Variants in CDH13 observed in about 807,000 individuals in gnomAD.
CDH13 encodes the protein cadherin-13.
CDH13 carries 24 observed loss-of-function variants against 63.8 expected under a neutral mutation model. The ratio of observed to expected loss-of-function variants is 0.38; its 90% CI spans 0.27 to 0.53. The LOEUF (loss-of-function observed/expected upper bound fraction) is 0.53. CDH13 is among the 20% of genes least tolerant of loss of function. CDH13 has a pLI of 0.85. For missense variants in CDH13, 1,049 were observed against 903.1 expected (o/e 1.16, Z -2.07); for synonymous variants, 503 against 355.3 (o/e 1.42, Z -4.67).
intron 3 of CDH13, among the ~76,000 whole-genome samples, chr16:83,069,429 G>C (rs2032273329): frequency 6.6e-6 from 1 of 152,086 alleles, no homozygotes. Flanking sequence ...CTACGTGCCA[G>C]GCATTGTTTT....
At chr16:82,732,576 G>A (rs980109299) in intron 1 of CDH13, among the ~76,000 whole-genome samples, 1 of 152,228 alleles carries the variant, frequency 6.6e-6, no homozygotes, top group African/African-American at 2.4e-5. Context: ...TTGTTTAAAA[G>A]AGATTTATCC....
At position 83,152,663 on chromosome 16, in the gene CDH13, C is replaced by T. The variant is rs1030217941; in HGVS notation, c.483+27162C>T. Among the ~76,000 whole-genome samples the T allele has an allele frequency of 2.6e-5, 4 of 152,140 alleles. No homozygotes were observed. The South Asian group carries it at 8.3e-4, about 32-fold the overall frequency. On this transcript the variant is annotated intron_variant, in intron 4 of 13. Coordinates refer to ENST00000567109, the MANE Select transcript of CDH13 (RefSeq NM_001257.5). ...CTTAGCAATAATATGGGACTATAGG[C>T]AAAAGCAGGACTGTTTTGGACAAAC... is the stretch of plus-strand genomic sequence containing the variant.
intron 7 of CDH13, among the ~76,000 whole-genome samples, chr16:83,508,077 AAGGAAG>A: frequency 1.5e-5 from 1 of 66,940 alleles, no homozygotes. Context: ...GGAAGGAAGG[AAGGAAG>A]GAAGGAAGGA....
At chr16:83,672,452 G>A (rs1914591470) in intron 9 of CDH13, among the ~76,000 whole-genome samples, 1 of 90,576 alleles carries the variant, frequency 1.1e-5, no homozygotes, top group African/African-American at 4.1e-5. Flanking sequence ...TTGAGACAGA[G>A]TCTTGCTCTC....
At chr16:83,176,414 G>A (rs897788904) in intron 4 of CDH13, among the ~76,000 whole-genome samples, 1 of 151,008 alleles carries the variant, frequency 6.6e-6, no homozygotes, top group East Asian at 2.0e-4. Flanking sequence ...GGAGGCTGAG[G>A]CAGGAGAATT....
chr16:83,671,022 C>T lies in CDH13; in HGVS notation c.1284+50C>T, dbSNP rs771624568. On this transcript the variant is annotated intron_variant, in intron 9 of 13. Transcript: ENST00000567109. ...TTCTCCTCATGCGAGCACGGAGGGCCCCATGAGGCAGCTCATAGAATCATT... is the reference window on the plus strand; with the variant it reads ...TTCTCCTCATGCGAGCACGGAGGGCTCCATGAGGCAGCTCATAGAATCATT... 4 of 1,444,774 alleles carry T rather than the reference C, an allele frequency of 2.8e-6. No homozygotes were observed. The African/African-American group carries it at 4.3e-5, about 15-fold the overall frequency. 89.5% of individuals were successfully genotyped at this position (1,444,774 alleles called of 1,614,324 possible). A position where few individuals can be genotyped will look rare whatever the true frequency, so the allele number is the denominator to read the frequency against.
At chr16:83,328,741 G>C (rs540186421) in intron 5 of CDH13, among the ~76,000 whole-genome samples, 1 of 152,250 alleles carries the variant, frequency 6.6e-6, no homozygotes, top group South Asian at 2.1e-4. Context: ...CTGTTAGCAG[G>C]CTTTAGGCTT....
At chr16:83,364,450 A>C (rs1352910179) in intron 6 of CDH13, among the ~76,000 whole-genome samples, 2 of 152,176 alleles carry the variant, frequency 1.3e-5, no homozygotes, top group Non-Finnish European at 2.9e-5. Flanking sequence ...TCATTTACAG[A>C]TAAGGACCTG....
chr16:83,304,611 A>G (rs1353372166), intron 5 of CDH13, among the ~76,000 whole-genome samples: 1 of 152,190 alleles, frequency 6.6e-6, no homozygotes, highest in African/African-American at 2.4e-5. Flanking sequence ...GGATAAATAA[A>G]TGAGTATTGT....
chr16:82,905,437 G>A (rs2041611923), intron 2 of CDH13, among the ~76,000 whole-genome samples: 1 of 71,650 alleles, frequency 1.4e-5, no homozygotes, highest in African/African-American at 5.8e-5. Flanking sequence ...TCACACGTGT[G>A]TGTGTGTGTG....
rs1914448125 is a variant in CDH13, at chr16:83,670,969, C to G, written c.1281C>G (p.Val427=). The G allele has an allele frequency of 6.3e-7, 1 of 1,591,276 alleles. No homozygotes were observed. The highest frequency in any genetic ancestry group is 1.7e-5 in the Admixed American group (1 of 58,580). The change falls in exon 9 of 14, where the codon GTC becomes GTG. Residue 427 remains valine, a synonymous_variant. Coordinates refer to ENST00000567109, the MANE Select transcript of CDH13 (RefSeq NM_001257.5). ...PQTNEGMLSV[V]KPLDYEISAF... is the part of the protein sequence containing the mutation. ...CCAACGAAGGGATGCTTTCTGTTGT[C>G]AAAGTAAGGGTGCTTCCAATTGCCT...
At chr16:82,668,443 G>A (rs1444944141) in intron 1 of CDH13, among the ~76,000 whole-genome samples, 1 of 152,190 alleles carries the variant, frequency 6.6e-6, no homozygotes, top group Non-Finnish European at 1.5e-5. Context: ...TTCAGAGCCT[G>A]AACTGGTAAA....
rs959409934 is a variant in CDH13, at chr16:83,455,469, C to T, written c.782-31008C>T. ...GTTTAGAAGTGGCTTTCTCCAAGGACGTGAATGTTCATTTTAGTGCACCTT... is the reference window on the plus strand; with the variant it reads ...GTTTAGAAGTGGCTTTCTCCAAGGATGTGAATGTTCATTTTAGTGCACCTT... On this transcript the variant is annotated intron_variant, in intron 6 of 13. Coordinates refer to ENST00000567109, the MANE Select transcript of CDH13 (RefSeq NM_001257.5). 2.8e-4 allele frequency among the ~76,000 whole-genome samples: 42 copies of T among 152,218 alleles called. 1 individual carries two copies. The highest frequency in any genetic ancestry group is 6.8e-3 in the Middle Eastern group (2 of 294).
chr16:82,770,244 T>A (rs772036819), intron 1 of CDH13, among the ~76,000 whole-genome samples: 3 of 152,244 alleles, frequency 2.0e-5, no homozygotes, highest in Non-Finnish European at 4.4e-5. Context: ...CCTTAATATT[T>A]CCTTTGTGTG....
chr16:83,649,835 A>G (rs1287071713), intron 8 of CDH13, among the ~76,000 whole-genome samples: 2 of 152,226 alleles, frequency 1.3e-5, no homozygotes, highest in African/African-American at 4.8e-5. Context: ...TGAAGCACCC[A>G]GCCACCTGAG....
In CDH13 at chr16:82,797,323, C is replaced by G. The variant is rs531242416; in HGVS notation, c.46-61039C>G. Among the ~76,000 whole-genome samples, 109 of 152,252 alleles carry G rather than the reference C, an allele frequency of 7.2e-4. 1 individual carries two copies. The highest frequency in any genetic ancestry group is 2.5e-3 in the African/African-American group (105 of 41,540). ...TACAGTGGTCAGTCAAGAATAAATA[C>G]AGAGCAAGTACTACGGTAGCTGCAG... On this transcript the variant is annotated intron_variant, in intron 1 of 13. Transcript: ENST00000567109.
At chr16:83,737,798 C>T (rs1911678951) in intron 10 of CDH13, among the ~76,000 whole-genome samples, 1 of 152,200 alleles carries the variant, frequency 6.6e-6, no homozygotes, top group South Asian at 2.1e-4. Flanking sequence ...GTGGGCTATT[C>T]ACAAGGCAAA....
intron 7 of CDH13, among the ~76,000 whole-genome samples, chr16:83,492,693 G>A (rs925644357): frequency 6.6e-6 from 1 of 152,210 alleles, no homozygotes; most frequent in South Asian, 2.1e-4. Context: ...AAGTCCTGGG[G>A]TCTGAAATTT....
chr16:82,661,760 G>T (rs987823752), intron 1 of CDH13, among the ~76,000 whole-genome samples: 1 of 152,202 alleles, frequency 6.6e-6, no homozygotes. Flanking sequence ...AGTATTGGGG[G>T]AAACCTCAAT....
Sources: gnomAD v4.1 joint callset for allele counts (sites outside exome capture counted in the v4.1 genomes callset) on GRCh38, gnomAD v4.1.1 for gene constraint, MANE v1.5 for transcripts, NCBI Gene and HGNC (gene_info 2026-07-23, HGNC 2026-07-21) for gene names.